Variants in SHBG observed in about 807,000 individuals in gnomAD.
SHBG encodes sex hormone binding globulin.
Under a neutral mutation model 41.9 loss-of-function variants are expected in SHBG, and 37 were observed. The ratio of observed to expected loss-of-function variants is 0.88; its 90% confidence interval spans 0.68 to 1.16. The LOEUF (loss-of-function observed/expected upper bound fraction) is 1.16. Ranked by LOEUF, SHBG falls within the 50% of genes most tolerant of loss-of-function variation. SHBG has a pLI of 0.00. For synonymous variants in SHBG, 217 were observed against 205.8 expected (o/e 1.05, Z -0.47); for missense variants, 466 against 499.9 (o/e 0.93, Z 0.65).
chr17:7,630,325 C>A lies in SHBG; in HGVS notation c.111+42C>A. 6.3e-7 allele frequency: 1 copy of A among 1,591,308 alleles called. No individual in the cohort carries two copies. The highest frequency in any genetic ancestry group is 8.6e-7 in the Non-Finnish European group (1 of 1,159,542). On this transcript the variant is annotated intron_variant, in intron 1 of 7. Coordinates refer to ENST00000380450, the MANE Select transcript of SHBG (RefSeq NM_001040.5). This position sits in a 1 kb window ranked among gnomAD's most constrained non-coding sequence, Gnocchi z 4.6. ...GGGCACTCAGCTCATGCAGTCTTCC[C>A]TTCTCTCCTCTGGCCCTGTAGCAGG...
intron 1 of SHBG, among the ~76,000 whole-genome samples, chr17:7,618,282 T>G (rs1480727818): frequency 6.6e-6 from 1 of 151,924 alleles, no homozygotes; most frequent in Non-Finnish European, 1.5e-5. Flanking sequence ...CAATATTTTT[T>G]TGTTGTTGAG....
In SHBG at chr17:7,633,227, T is replaced by G. The variant is rs2072477626; in HGVS notation, c.1084T>G (p.Cys362Gly). The change falls in exon 8 of 8, where the codon TGC becomes GGC. Residue 362 changes from cysteine (C) to glycine (G), a missense_variant. Coordinates refer to ENST00000380450, the MANE Select transcript of SHBG (RefSeq NM_001040.5). The part of the protein sequence containing the change: ...LPGEDSSTSF[C>G]LNGLWAQGQR... ...AGGAGAAGACTCTTCCACCTCTTTT[T>G]GCCTGAATGGCCTTTGGGCACAAGG... is the stretch of plus-strand genomic sequence containing the variant. 1.2e-6 allele frequency: 2 copies of G among 1,614,062 alleles called. No individual in the cohort carries two copies.
rs115150806 is a variant in SHBG at position 7,614,406 on chromosome 17, G to A, written c.-62+295G>A. ...CCCCACGCGTTCCTGCTCCGGCCAG[G>A]GGAGGGGGCTAAGGACCGGCGTCCC... On this transcript the variant is annotated intron_variant, in intron 1 of 5. Coordinates refer to the SHBG transcript ENST00000570547. 2,293 of 1,375,934 alleles carry A rather than the reference G, an allele frequency of 1.7e-3. 45 individuals carry two copies. In the African/African-American group the frequency reaches 0.028, roughly 17 times the overall value. 85.2% of individuals were successfully genotyped at this position (1,375,934 alleles called of 1,614,324 possible). A position where few individuals can be genotyped will look rare whatever the true frequency, so the allele number is the denominator to read the frequency against.
In SHBG at chr17:7,630,498, A is replaced by C; in HGVS notation, c.194A>C (p.Lys65Thr). 6.2e-7 allele frequency: 1 copy of C among 1,614,010 alleles called. No homozygotes were observed. Among genetic ancestry groups the C allele is most frequent in the Admixed American group, 1.7e-5 (1 of 60,012 alleles). Reference sequence around the variant, plus strand: ...GCTGTCATGACCTTTGACCTCACCAAGATCACAAAGTATGGGGTTGGCCTA... The same window carrying C: ...GCTGTCATGACCTTTGACCTCACCACGATCACAAAGTATGGGGTTGGCCTA... The part of the protein sequence containing the change: ...PIAVMTFDLT[K>T]ITKTSSSFEV... The change falls in exon 2 of 8, where the codon AAG becomes ACG. Residue 65 changes from lysine (K) to threonine (T), a missense_variant. By Grantham distance (78) the Lys-to-Thr change is moderately conservative. Coordinates refer to ENST00000380450, the MANE Select transcript of SHBG (RefSeq NM_001040.5). This position sits in a 1 kb window ranked among gnomAD's most constrained non-coding sequence, Gnocchi z 4.6.
At chr17:7,631,546 CCT>C (rs763689745) in intron 4 of SHBG, 41 bp from the exon 5 acceptor site, 148 of 1,611,646 alleles carry the variant, frequency 9.2e-5, no homozygotes, top group Non-Finnish European at 1.2e-4. Flanking sequence ...GCTCCGATGC[CCT>C]GATTTCTACA....
exon 1 of SHBG, chr17:7,614,097 TGATTAAG>T (rs1442512278): frequency 3.9e-6 from 2 of 512,204 alleles, no homozygotes; most frequent in Non-Finnish European, 3.8e-6. Context: ...GGGGAAGATG[TGATTAAG>T]GTCTAAGGTA....
chr17:7,627,948 C>A, upstream of SHBG: 2 of 540,122 alleles, frequency 3.7e-6, no homozygotes, highest in South Asian at 1.7e-5. This position sits in a 1 kb window ranked among gnomAD's most constrained non-coding sequence, Gnocchi z 4.8. Context: ...CCCCAAGCCC[C>A]ACCCCCGACA....
At chr17:7,618,465 TTTTTG>T (rs1488539888) in intron 1 of SHBG, among the ~76,000 whole-genome samples, 104 of 150,530 alleles carry the variant, frequency 6.9e-4, no homozygotes, top group South Asian at 4.4e-3. Flanking sequence ...TTTGTTTTTG[TTTTTG>T]TTTTTTTTGT....
chr17:7,619,197 C>T (rs1362262989), intron 1 of SHBG, among the ~76,000 whole-genome samples: 1 of 151,850 alleles, frequency 6.6e-6, no homozygotes, highest in Non-Finnish European at 1.5e-5. Flanking sequence ...TCAAGACCAG[C>T]CTGACCAACA....
At chr17:7,631,464 G>T in intron 4 of SHBG, 103 bp downstream of exon 4, 3 of 1,564,432 alleles carry the variant, frequency 1.9e-6, no homozygotes, top group East Asian at 2.2e-5. Flanking sequence ...AGAAGGGAAG[G>T]GTTGAGAGCT....
At chr17:7,615,174 G>A (rs914697006) in intron 1 of SHBG, among the ~76,000 whole-genome samples, 10 of 152,074 alleles carry the variant, frequency 6.6e-5, no homozygotes, top group African/African-American at 9.7e-5. Flanking sequence ...GGCCGGGCTC[G>A]CTCAGTCCGA....
upstream of SHBG, chr17:7,628,010 G>A (rs772867479): frequency 2.5e-5 from 12 of 485,664 alleles, no homozygotes; most frequent in South Asian, 1.5e-4. Context: ...GGAGTGAAGC[G>A]GCTTCCTTGC....
chr17:7,617,974 T>G (rs1158072662), intron 1 of SHBG, among the ~76,000 whole-genome samples: 1 of 152,136 alleles, frequency 6.6e-6, no homozygotes, highest in Non-Finnish European at 1.5e-5. Flanking sequence ...ATCCCAGCAC[T>G]TTGGGATGCC....
intron 1 of SHBG, chr17:7,614,325 G>T: frequency 1.4e-6 from 1 of 735,908 alleles, no homozygotes. Context: ...GCTGCGGGTT[G>T]GAGCAAGGGT....
chr17:7,619,367 G>A (rs1449967565), intron 1 of SHBG, among the ~76,000 whole-genome samples: 1 of 148,170 alleles, frequency 6.7e-6, no homozygotes, highest in Non-Finnish European at 1.5e-5. Flanking sequence ...TCCAGCCTGG[G>A]CATTAAGGGT....
chr17:7,628,457 T>C (rs879762542), upstream of SHBG, among the ~76,000 whole-genome samples: 1 of 151,486 alleles, frequency 6.6e-6, no homozygotes, highest in Non-Finnish European at 1.5e-5. Context: ...CTTCTCTTTT[T>C]TTTTGTTTTA....
upstream of SHBG, chr17:7,626,848 A>C (rs553099837): frequency 1.9e-6 from 3 of 1,609,192 alleles, no homozygotes; most frequent in East Asian, 6.7e-5. Flanking sequence ...GAAGGGGATC[A>C]GAAAATGACA....
chr17:7,623,117 G>A (rs776559242), upstream of SHBG, among the ~76,000 whole-genome samples: 3 of 152,084 alleles, frequency 2.0e-5, no homozygotes, highest in Non-Finnish European at 4.4e-5. Context: ...TATTGGCCGG[G>A]CACAGTGGCT....
chr17:7,615,444 C>G (rs1194703976), intron 1 of SHBG, among the ~76,000 whole-genome samples: 1 of 152,236 alleles, frequency 6.6e-6, no homozygotes, highest in African/African-American at 2.4e-5. Flanking sequence ...TTTTAAGAAT[C>G]TGTAACTCTC....
Sources: allele counts gnomAD v4.1 joint callset (sites outside exome capture counted in the v4.1 genomes callset), GRCh38; gene constraint gnomAD v4.1.1; non-coding constraint Gnocchi (gnomAD v3.1); transcripts MANE v1.5; gene names NCBI Gene and HGNC (gene_info 2026-07-23, HGNC 2026-07-21).